Variants in GALNT16 observed in about 807,000 individuals in gnomAD.
GALNT16 encodes the protein polypeptide N-acetylgalactosaminyltransferase 16.
GALNT16 carries 40 observed loss-of-function variants against 76.1 expected under a neutral mutation model. The ratio of observed to expected loss-of-function variants is 0.53; its 90% CI spans 0.41 to 0.68. The LOEUF (loss-of-function observed/expected upper bound fraction) is 0.68, where lower values mean the gene tolerates loss of function less well. Ranked by LOEUF, GALNT16 falls within the 30% of genes least tolerant of loss-of-function variation. GALNT16 has a pLI of 0.00. For synonymous variants in GALNT16, 276 were observed against 285.2 expected, an observed-to-expected ratio of 0.97 and a Z score of 0.32; for missense variants, 621 against 731.9, an observed-to-expected ratio of 0.85 and a Z score of 1.75.
the GALNT16 span, among the ~76,000 whole-genome samples, chr14:69,372,052 T>C: frequency 6.6e-6 from 1 of 152,192 alleles, no homozygotes; most frequent in African/African-American, 2.4e-5. Context: ...ACAGCATAAC[T>C]GTTACTAGGA....
chr14:69,274,910 C>A (rs2044451744), intron 1 of GALNT16, among the ~76,000 whole-genome samples: 1 of 152,210 alleles, frequency 6.6e-6, no homozygotes. Context: ...TACTTGCCAA[C>A]AGAGCCAGGA....
chr14:69,341,901 G>T, intron 12 of GALNT16, 137 bp downstream of exon 12: 2 of 654,986 alleles, frequency 3.1e-6, no homozygotes, highest in Admixed American at 2.4e-5. Context: ...TTATCTTCAC[G>T]TGACGGCTGT....
intron 1 of GALNT16, among the ~76,000 whole-genome samples, chr14:69,290,183 CA>C (rs2044671695): frequency 6.6e-6 from 1 of 152,254 alleles, no homozygotes; most frequent in South Asian, 2.1e-4. Context: ...TCATCTTTCT[CA>C]CCGGAACTGC....
At chr14:69,263,063 A>G (rs1417180485) in intron 1 of GALNT16, among the ~76,000 whole-genome samples, 1 of 151,946 alleles carries the variant, frequency 6.6e-6, no homozygotes, top group African/African-American at 2.4e-5. Context: ...TATTTTTAGT[A>G]GAGATGGGGT....
intron 1 of GALNT16, among the ~76,000 whole-genome samples, chr14:69,271,318 A>T (rs184879553): frequency 1.3e-5 from 2 of 152,198 alleles, no homozygotes; most frequent in South Asian, 2.1e-4. Flanking sequence ...CTCAAGACCT[A>T]TGGAACTTGG....
rs183203061 is a variant in GALNT16, at chr14:69,348,136, C to G, written c.1539+134C>G. On this transcript the variant is annotated intron_variant, in intron 14 of 14. Coordinates refer to ENST00000448469, the MANE Select transcript of GALNT16 (RefSeq NM_001168368.2). ...AGCGAGGATCTGTGGGGAGGGGGAGCAAAGTCTACATCTAGGTCAAGCCAA... is the reference window on the plus strand; with the variant it reads ...AGCGAGGATCTGTGGGGAGGGGGAGGAAAGTCTACATCTAGGTCAAGCCAA... The G allele has an allele frequency of 5.7e-4, 472 of 821,300 alleles. No individual in the cohort carries two copies. In the African/African-American group the frequency reaches 7.3e-3, roughly 13 times the overall value. 50.9% of individuals were successfully genotyped at this position (821,300 alleles called of 1,614,324 possible).
chr14:69,353,946 G>T lies in GALNT16; in HGVS notation c.*1778G>T. 6.6e-6 allele frequency: 1 copy of T among 152,580 alleles called. No homozygotes were observed. Among genetic ancestry groups the T allele is most frequent in the Non-Finnish European group, 1.5e-5 (1 of 68,246 alleles). The allele number at this position is 152,580 out of a possible 1,614,324, so 9.5% of individuals were successfully genotyped here. A position where few individuals can be genotyped will look rare whatever the true frequency, so the allele number is the denominator to read the frequency against. ...CTCTGGAGGGCTCTCCAGCAGTTTC[G>T]CCTCCTGACTCTCACCAGCGTCCTC... On this transcript the variant is annotated 3_prime_UTR_variant, in exon 15 of 15. Coordinates refer to ENST00000448469, the MANE Select transcript of GALNT16 (RefSeq NM_001168368.2).
At chr14:69,332,546 T>A (rs1238337117) in intron 7 of GALNT16, 1 of 156,632 alleles carries the variant, frequency 6.4e-6, no homozygotes, top group African/African-American at 2.4e-5. Context: ...GCGGGCACAG[T>A]GGATTTCCTG....
chr14:69,378,670 C>T, the GALNT16 span, among the ~76,000 whole-genome samples: 2 of 152,320 alleles, frequency 1.3e-5, 1 homozygote, highest in Middle Eastern at 6.8e-3. Context: ...CACTCAACAT[C>T]TAGAACCCAG....
chr14:69,344,470 G>A (rs1015641158), intron 12 of GALNT16, among the ~76,000 whole-genome samples: 1 of 152,242 alleles, frequency 6.6e-6, no homozygotes, highest in Non-Finnish European at 1.5e-5. Flanking sequence ...GTACATAGAA[G>A]AGACCCATAG....
intron 10 of GALNT16, among the ~76,000 whole-genome samples, 178 bp from the exon 11 acceptor site, chr14:69,339,349 G>C (rs895761013): frequency 2.0e-5 from 3 of 152,196 alleles, no homozygotes; most frequent in Non-Finnish European, 4.4e-5. Context: ...TACCTACAAA[G>C]TCGATGGGTA....
intron 1 of GALNT16, among the ~76,000 whole-genome samples, chr14:69,299,228 A>T (rs912272069): frequency 6.6e-6 from 1 of 152,082 alleles, no homozygotes; most frequent in African/African-American, 2.4e-5. Context: ...CTCTCCTTTC[A>T]TTCTTTCTTG....
At chr14:69,380,764 A>G in the GALNT16 span, 4 of 594,582 alleles carry the variant, frequency 6.7e-6, no homozygotes, top group Non-Finnish European at 1.2e-5. Flanking sequence ...AACTTAATGA[A>G]AAGCTGAAAG....
chr14:69,347,861 G>T lies in GALNT16; in HGVS notation c.1414-16G>T, dbSNP rs762320132. ...CTGTACTTTTTGACTTGGCCTTTCT[G>T]CTCCCTGCCTTGCAGGCATGGCTGT... On this transcript the variant is annotated splice_polypyrimidine_tract_variant and intron_variant, in intron 13 of 14. Transcript: ENST00000448469. 1.2e-6 allele frequency: 2 copies of T among 1,611,870 alleles called. No homozygotes were observed. Among genetic ancestry groups the T allele is most frequent in the East Asian group, 2.2e-5 (1 of 44,870 alleles).
chr14:69,381,483 T>C, the GALNT16 span, among the ~76,000 whole-genome samples: 3 of 152,158 alleles, frequency 2.0e-5, no homozygotes, highest in African/African-American at 7.2e-5. Flanking sequence ...TATCAGAAGA[T>C]ACAGTAAGCT....
At chr14:69,310,664 G>T (rs1240134896) in intron 1 of GALNT16, among the ~76,000 whole-genome samples, 1 of 152,154 alleles carries the variant, frequency 6.6e-6, no homozygotes. Context: ...TCTAAAATAT[G>T]CTATGATCGG....
At chr14:69,329,409 T>C (rs1566883017) in intron 6 of GALNT16, among the ~76,000 whole-genome samples, 2 of 152,102 alleles carry the variant, frequency 1.3e-5, no homozygotes, top group South Asian at 2.1e-4. Flanking sequence ...AAGGAAGATA[T>C]AGAAATGGCC....
chr14:69,311,202 GCTCT>G (rs1393009727), intron 1 of GALNT16, among the ~76,000 whole-genome samples: 2 of 152,328 alleles, frequency 1.3e-5, no homozygotes, highest in Admixed American at 1.3e-4. Flanking sequence ...GATGAGGGCT[GCTCT>G]CTCTGTTTCC....
chr14:69,265,931 G>A (rs866268451), intron 1 of GALNT16, among the ~76,000 whole-genome samples: 3 of 152,160 alleles, frequency 2.0e-5, no homozygotes. Context: ...GATGACATTC[G>A]TTGGAGACCT....
Sources: allele counts gnomAD v4.1 joint callset (sites outside exome capture counted in the v4.1 genomes callset), GRCh38; gene constraint gnomAD v4.1.1; transcripts MANE v1.5; gene names NCBI Gene and HGNC (gene_info 2026-07-23, HGNC 2026-07-21).